The following MAML1 variants were observed in gnomAD, a reference collection of about 807,000 sequenced individuals.
MAML1 encodes mastermind like transcriptional coactivator 1.
Under a neutral mutation model 77.1 loss-of-function variants are expected in MAML1, and 14 were observed. That is an observed-to-expected ratio of 0.18 (90% CI 0.12 to 0.28). The LOEUF is 0.28. MAML1 is among the 10% of genes least tolerant of loss of function. The pLI is 1.00. For synonymous variants in MAML1, 516 were observed against 551.9 expected (o/e 0.93, Z 0.91); for missense variants, 1,217 against 1,327.8 (o/e 0.92, Z 1.30).
chr5:179,751,740 A>G (rs1779493493), intron 1 of MAML1, among the ~76,000 whole-genome samples: 1 of 152,064 alleles, frequency 6.6e-6, no homozygotes, highest in African/African-American at 2.4e-5. Context: ...GGCCAGGCAC[A>G]GTAGCTCATG....
At chr5:179,770,573 ATTCATTCGTCTG>A (rs1480663145) in intron 3 of MAML1, among the ~76,000 whole-genome samples, 1 of 152,186 alleles carries the variant, frequency 6.6e-6, no homozygotes, top group Non-Finnish European at 1.5e-5. Flanking sequence ...GTTACATTTT[ATTCATTCGTCTG>A]TTCATGAACA....
chr5:179,763,600 A>G (rs189961244), intron 1 of MAML1, among the ~76,000 whole-genome samples: 120 of 152,326 alleles, frequency 7.9e-4, no homozygotes, highest in African/African-American at 2.8e-3. Context: ...GAAGAACAGG[A>G]ACATTAGAAT....
intron 1 of MAML1, among the ~76,000 whole-genome samples, chr5:179,746,834 C>T (rs1053581941): frequency 6.6e-6 from 1 of 152,160 alleles, no homozygotes; most frequent in Non-Finnish European, 1.5e-5. Context: ...TTTATCTAGT[C>T]ATTAGTCTTC....
chr5:179,771,132 C>G lies in MAML1; in HGVS notation c.1972-15C>G. On this transcript the variant is annotated splice_polypyrimidine_tract_variant and intron_variant, in intron 3 of 4. Transcript: ENST00000292599. This position sits in a 1 kb window ranked among gnomAD's most constrained non-coding sequence, Gnocchi z 4.7. ...TATATGTTGGTTTTGTTTTGTTGTTCTTGGCATTTTCTAGGAGAAGCAACA... is the reference window on the plus strand; with the variant it reads ...TATATGTTGGTTTTGTTTTGTTGTTGTTGGCATTTTCTAGGAGAAGCAACA... 2 of 1,607,062 alleles carry G rather than the reference C, an allele frequency of 1.2e-6. No individual in the cohort carries two copies. The highest frequency in any genetic ancestry group is 1.7e-6 in the Non-Finnish European group (2 of 1,173,622).
intron 1 of MAML1, among the ~76,000 whole-genome samples, chr5:179,760,563 C>T (rs1003736754): frequency 6.6e-5 from 10 of 152,036 alleles, no homozygotes; most frequent in East Asian, 1.9e-4. Context: ...AGTGGATCAG[C>T]GTTTGGTTCC....
At chr5:179,761,503 C>T (rs1169004216) in intron 1 of MAML1, among the ~76,000 whole-genome samples, 1 of 152,124 alleles carries the variant, frequency 6.6e-6, no homozygotes, top group African/African-American at 2.4e-5. Context: ...TTGAGACCAG[C>T]TGGCCAACAT....
At chr5:179,747,953 T>C (rs1779413614) in intron 1 of MAML1, among the ~76,000 whole-genome samples, 1 of 151,954 alleles carries the variant, frequency 6.6e-6, no homozygotes, top group Non-Finnish European at 1.5e-5. Flanking sequence ...AATAAACTCA[T>C]AGAAACAGAA....
intron 3 of MAML1, among the ~76,000 whole-genome samples, chr5:179,770,553 G>T (rs1755966549): frequency 6.6e-6 from 1 of 152,238 alleles, no homozygotes; most frequent in Admixed American, 6.5e-5. Flanking sequence ...ATATTCCATT[G>T]TATGGACATG....
At chr5:179,734,393 G>A (rs1779126906) in intron 1 of MAML1, among the ~76,000 whole-genome samples, 1 of 152,150 alleles carries the variant, frequency 6.6e-6, no homozygotes, top group Admixed American at 6.5e-5. Context: ...TTGAAAGGAT[G>A]AAGTTCAAAG....
Position 179,766,715 on chromosome 5 carries a change from T to C in MAML1, c.1705T>C (p.Phe569Leu). The change falls in exon 2 of 5, where the codon TTC (phenylalanine) becomes CTC (leucine). Residue 569 changes from phenylalanine (F) to leucine (L), a missense_variant. By Grantham distance (22) the Phe-to-Leu change is conservative (BLOSUM62 0). This residue lies in a region of MAML1 where 884 missense variants were observed against 949.3 expected (regional missense o/e 0.93). Transcript: ENST00000292599. This position sits in a 1 kb window ranked among gnomAD's most constrained non-coding sequence, Gnocchi z 4.0. Reference sequence around the variant, plus strand: ...GAAGCCAAAGCCAGGAAATATGCCTTTCCGATCACTGGTTCCACCTGGCCA... The same window carrying C: ...GAAGCCAAAGCCAGGAAATATGCCTCTCCGATCACTGGTTCCACCTGGCCA... Reference protein sequence around the residue: ...LMKPKPGNMPFRSLVPPGQEQ... With the variant: ...LMKPKPGNMPLRSLVPPGQEQ... 1 of 1,560,234 alleles carries C rather than the reference T, an allele frequency of 6.4e-7. No individual in the cohort carries two copies. Among genetic ancestry groups the C allele is most frequent in the African/African-American group, 1.4e-5 (1 of 73,292 alleles).
In MAML1 at chr5:179,733,430, G is replaced by A; in HGVS notation, c.315+3G>A. 2 of 1,096,946 alleles carry A rather than the reference G, an allele frequency of 1.8e-6. No individual in the cohort carries two copies. Among genetic ancestry groups the A allele is most frequent in the Non-Finnish European group, 2.2e-6 (2 of 904,370 alleles). 68.0% of individuals were successfully genotyped at this position (1,096,946 alleles called of 1,614,324 possible). A position where few individuals can be genotyped will look rare whatever the true frequency, so the allele number is the denominator to read the frequency against. On this transcript the variant is annotated splice_donor_region_variant and intron_variant, in intron 1 of 4. Coordinates refer to ENST00000292599, the MANE Select transcript of MAML1 (RefSeq NM_014757.5). ...CCGAGCACGGCCGCCCGGCCACGGT[G>A]AGTAGGGCGCGGGAAGGCGCTTGTC...
At chr5:179,773,204 C>T (rs1756041906) in intron 4 of MAML1, among the ~76,000 whole-genome samples, 1 of 152,178 alleles carries the variant, frequency 6.6e-6, no homozygotes, top group South Asian at 2.1e-4. Flanking sequence ...CTTCACACGC[C>T]ATCCACAGCT....
At chr5:179,735,538 C>G (rs1402377808) in intron 1 of MAML1, among the ~76,000 whole-genome samples, 2 of 152,050 alleles carry the variant, frequency 1.3e-5, no homozygotes, top group Non-Finnish European at 2.9e-5. Context: ...CAGGTGCTGG[C>G]CACCATGCCC....
chr5:179,755,662 C>T (rs1235673080), intron 1 of MAML1, among the ~76,000 whole-genome samples: 1 of 150,166 alleles, frequency 6.7e-6, no homozygotes, highest in Non-Finnish European at 1.5e-5. Flanking sequence ...AACACAAATT[C>T]ATAAACTTTC....
intron 1 of MAML1, among the ~76,000 whole-genome samples, chr5:179,742,832 A>G (rs748578602): frequency 3.9e-5 from 6 of 152,150 alleles, no homozygotes; most frequent in Non-Finnish European, 8.8e-5. Flanking sequence ...GAACATTTCA[A>G]ATCTTTAATA....
chr5:179,773,754 T>C, intron 4 of MAML1, 141 bp from the exon 5 acceptor site: 1 of 1,494,348 alleles, frequency 6.7e-7, no homozygotes. Context: ...ATTCCACCTG[T>C]GGAAGGCTTT....
chr5:179,749,075 CCT>C (rs1779438715), intron 1 of MAML1, among the ~76,000 whole-genome samples: 1 of 151,972 alleles, frequency 6.6e-6, no homozygotes, highest in South Asian at 2.1e-4. Context: ...GAGCAATTCC[CCT>C]GTCTAGGCCT....
chr5:179,735,651 AAAGTGCTGGGATTACAG>A lies in MAML1; in HGVS notation c.315+2225_315+2241del, dbSNP rs1466214358. 2.0e-5 allele frequency among the ~76,000 whole-genome samples: 3 copies of A among 151,582 alleles called. No homozygotes were observed. In the East Asian group the frequency reaches 5.8e-4, roughly 29 times the overall value. On this transcript the variant is annotated intron_variant, in intron 1 of 4. Coordinates refer to ENST00000292599, the MANE Select transcript of MAML1 (RefSeq NM_014757.5). ...GATAATCCACCCACCTCGGCCTCCCAAAGTGCTGGGATTACAGGTGTGAGCCACTGCACCTAGCCTAT... is the reference window on the plus strand; with the variant it reads ...GATAATCCACCCACCTCGGCCTCCCAGTGTGAGCCACTGCACCTAGCCTAT...
In MAML1 at chr5:179,771,023, T is replaced by G; in HGVS notation, c.1972-124T>G. ...ACCCCAAAATGAAATCAGCACTATT[T>G]CCACAGGAGCCCATTTGTGAGTAAC... On this transcript the variant is annotated intron_variant, in intron 3 of 4. Transcript: ENST00000292599. The surrounding 1 kb of genome is among the most constrained non-coding windows in gnomAD (Gnocchi z 4.7). 1 of 693,750 alleles carries G rather than the reference T, an allele frequency of 1.4e-6. No homozygotes were observed. The highest frequency in any genetic ancestry group is 2.6e-6 in the Non-Finnish European group (1 of 381,732). The allele number at this position is 693,750 out of a possible 1,614,324, so 43.0% of individuals were successfully genotyped here. A position where few individuals can be genotyped will look rare whatever the true frequency, so the allele number is the denominator to read the frequency against.
Sources: gnomAD v4.1 joint callset for allele counts (sites outside exome capture counted in the v4.1 genomes callset) on GRCh38, gnomAD v4.1.1 for gene constraint, gnomAD v4.1.1 regional missense constraint, Gnocchi (gnomAD v3.1) non-coding constraint, MANE v1.5 for transcripts, NCBI Gene and HGNC (gene_info 2026-07-23, HGNC 2026-07-21) for gene names.